The following DSCAM variants were observed in gnomAD, a reference collection of about 807,000 sequenced individuals.
DSCAM encodes cell adhesion molecule DSCAM.
In DSCAM, 47 loss-of-function variants were observed where a neutral mutation model predicts 217.7. The observed-to-expected ratio is 0.22, with a 90% CI of 0.17 to 0.28. DSCAM has a LOEUF of 0.28. Among genes scored for constraint, DSCAM ranks in the 10% least tolerant of loss-of-function variants. The probability of loss-of-function intolerance (pLI) is 1.00; values close to 1 mark genes in which losing one functional copy is unlikely to be tolerated. For synonymous variants in DSCAM, 1,056 were observed against 1,015.3 expected (o/e 1.04, Z -0.76); for missense variants, 2,080 against 2,618.3 (o/e 0.79, Z 4.49).
chr21:40,539,018 A>C (rs539776573), intron 3 of DSCAM, among the ~76,000 whole-genome samples: 44 of 152,300 alleles, frequency 2.9e-4, no homozygotes, highest in Non-Finnish European at 2.4e-4. Context: ...AGACTTTCAT[A>C]GAACAAAACT....
chr21:40,049,640 C>T (rs1230047131), intron 30 of DSCAM, among the ~76,000 whole-genome samples: 4 of 152,212 alleles, frequency 2.6e-5, no homozygotes, highest in East Asian at 1.9e-4. Context: ...GAGCCATATA[C>T]GTAAAGTGAA....
At chr21:40,671,217 G>A (rs2090269350) in intron 3 of DSCAM, among the ~76,000 whole-genome samples, 1 of 152,144 alleles carries the variant, frequency 6.6e-6, no homozygotes. Context: ...GAAAATCCAT[G>A]CACAGTTTTA....
intron 1 of DSCAM, among the ~76,000 whole-genome samples, chr21:40,824,971 C>T (rs1268091719): frequency 6.6e-6 from 1 of 152,216 alleles, no homozygotes; most frequent in Non-Finnish European, 1.5e-5. Context: ...AGAGCTTTCT[C>T]TGTATGTCCG....
chr21:40,061,103 T>C (rs1031031319), intron 28 of DSCAM, among the ~76,000 whole-genome samples: 2 of 152,232 alleles, frequency 1.3e-5, no homozygotes, highest in Admixed American at 1.3e-4. Flanking sequence ...ACATTTCCTC[T>C]GGATGCCTTA....
chr21:40,168,095 C>T (rs1288400355), intron 15 of DSCAM, among the ~76,000 whole-genome samples: 1 of 152,100 alleles, frequency 6.6e-6, no homozygotes, highest in Non-Finnish European at 1.5e-5. Flanking sequence ...CAAAAAAACC[C>T]TTGTGAACCA....
At chr21:40,820,215 G>T (rs1040905332) in intron 1 of DSCAM, among the ~76,000 whole-genome samples, 4 of 152,024 alleles carry the variant, frequency 2.6e-5, no homozygotes, top group Non-Finnish European at 5.9e-5. Flanking sequence ...CAACCCAAAT[G>T]CCCATCAATG....
In DSCAM at chr21:40,075,082, C is replaced by T. The variant is rs1449673053; in HGVS notation, c.4843G>A (p.Val1615Ile). Residue 1615 changes from valine to isoleucine, a missense_variant, in exon 27 of 33, where the codon GTT (valine) becomes ATT (isoleucine). Val to Ile is a conservative substitution (Grantham distance 29). Around this residue, in one of 5 missense-constraint regions of DSCAM, gnomAD observed 1,144 missense variants for 1,421.1 expected, o/e 0.81. Coordinates refer to ENST00000400454, the MANE Select transcript of DSCAM (RefSeq NM_001389.5). ...TGCTCCCGCCGCCTCCTCCGCACAACCAGCAGGAGCACAAACAGCAGCAAG... is the reference window on the plus strand; with the variant it reads ...TGCTCCCGCCGCCTCCTCCGCACAATCAGCAGGAGCACAAACAGCAGCAAG... ...GVLLLFVLLL[V>I]VRRRRREQRL... 2 of 1,614,218 alleles carry T rather than the reference C, an allele frequency of 1.2e-6. No homozygotes were observed.
chr21:40,700,249 G>C (rs1316279065), intron 2 of DSCAM, among the ~76,000 whole-genome samples: 1 of 152,218 alleles, frequency 6.6e-6, no homozygotes, highest in Admixed American at 6.5e-5. Context: ...GAAGTGGTGA[G>C]AGCATACACT....
At chr21:40,212,518 C>T (rs2091195988) in intron 11 of DSCAM, 1 of 153,860 alleles carries the variant, frequency 6.5e-6, no homozygotes, top group Admixed American at 6.5e-5. Context: ...CACCCCTGTG[C>T]ATATTTCAGG....
chr21:40,780,443 A>ATATATATC (rs1157668991), intron 1 of DSCAM, among the ~76,000 whole-genome samples: 2 of 143,494 alleles, frequency 1.4e-5, no homozygotes, highest in South Asian at 4.5e-4. Context: ...ATATATATAT[A>ATATATATC]TATATCTCCT....
chr21:40,021,119 G>A lies in DSCAM; in HGVS notation c.5687-7733C>T, dbSNP rs537620854. Among the ~76,000 whole-genome samples the A allele has an allele frequency of 2.0e-5, 3 of 148,700 alleles. No individual in the cohort carries two copies. In the Admixed American group the frequency reaches 2.0e-4, roughly 10 times the overall value. ...AAGAGACACACAGAGAGAGAGAGAG[G>A]GATCAGAGAGATGGAAACACACACA... is the stretch of plus-strand genomic sequence containing the variant. On this transcript the variant is annotated intron_variant, in intron 32 of 32. Transcript: ENST00000400454.
Position 40,350,877 on chromosome 21 carries a change from C to CTTTTT in DSCAM, c.934+2583_934+2587dup, listed in dbSNP as rs10658416. ...AAAAGTGTTTAGCAAATAAGTCATA[C>CTTTTT]TTTTTTTTTTTTTTTTTTTTTTTTT... is the stretch of plus-strand genomic sequence containing the variant. On this transcript the variant is annotated intron_variant, in intron 5 of 32. Transcript: ENST00000400454. 8.6e-3 allele frequency among the ~76,000 whole-genome samples: 550 copies of CTTTTT among 63,880 alleles called. 106 individuals are homozygous for CTTTTT. Among genetic ancestry groups the CTTTTT allele is most frequent in the African/African-American group, 0.031 (477 of 15,422 alleles). The allele number at this position is 63,880 out of a possible 152,430, so 41.9% of individuals were successfully genotyped here.
At chr21:40,436,972 C>T (rs968186528) in intron 3 of DSCAM, among the ~76,000 whole-genome samples, 2 of 152,150 alleles carry the variant, frequency 1.3e-5, no homozygotes, top group Non-Finnish European at 2.9e-5. Flanking sequence ...TTTGGTTCTG[C>T]ATGTGAGTTA....
chr21:40,351,083 A>T (rs571741290), intron 5 of DSCAM, among the ~76,000 whole-genome samples: 2 of 151,956 alleles, frequency 1.3e-5, no homozygotes, highest in African/African-American at 4.8e-5. Flanking sequence ...ACTAGGTCAT[A>T]GGTCTTTTGA....
chr21:40,565,385 C>A (rs963267422), intron 3 of DSCAM, among the ~76,000 whole-genome samples: 1 of 152,172 alleles, frequency 6.6e-6, no homozygotes, highest in African/African-American at 2.4e-5. Context: ...GGTTTTTGAG[C>A]TGACTCTAGC....
At chr21:40,458,654 T>C (rs1055340002) in intron 3 of DSCAM, among the ~76,000 whole-genome samples, 1 of 152,084 alleles carries the variant, frequency 6.6e-6, no homozygotes, top group Non-Finnish European at 1.5e-5. Context: ...GATAAAAAAT[T>C]AGATTGTTGA....
At chr21:40,454,729 T>C (rs749135945) in intron 3 of DSCAM, among the ~76,000 whole-genome samples, 1 of 152,196 alleles carries the variant, frequency 6.6e-6, no homozygotes, top group Non-Finnish European at 1.5e-5. Context: ...GGCAGAAGCA[T>C]TCTTCTCAAA....
At chr21:40,831,523 TCA>T (rs1474288500) in intron 1 of DSCAM, among the ~76,000 whole-genome samples, 1 of 152,184 alleles carries the variant, frequency 6.6e-6, no homozygotes, top group Non-Finnish European at 1.5e-5. Flanking sequence ...GATACAAAAC[TCA>T]CAATTTCAGC....
chr21:40,130,946 C>G (rs2090148698), intron 19 of DSCAM, among the ~76,000 whole-genome samples: 1 of 152,200 alleles, frequency 6.6e-6, no homozygotes. Flanking sequence ...GCATAGACAA[C>G]TGAATCGGAT....
Sources: allele counts gnomAD v4.1 joint callset (sites outside exome capture counted in the v4.1 genomes callset), GRCh38; gene constraint gnomAD v4.1.1; regional missense constraint gnomAD v4.1.1; transcripts MANE v1.5; gene names NCBI Gene and HGNC (gene_info 2026-07-23, HGNC 2026-07-21).